Variants in COP1 observed in about 807,000 individuals in gnomAD.
COP1 encodes the protein E3 ubiquitin-protein ligase COP1.
Under a neutral mutation model 101.3 loss-of-function variants are expected in COP1, and 24 were observed. That is an observed-to-expected ratio of 0.24 (90% confidence interval 0.17 to 0.33). The LOEUF is 0.33. COP1 is among the 10% of genes least tolerant of loss of function. The probability of loss-of-function intolerance (pLI) is 1.00; values close to 1 mark genes in which losing one functional copy is unlikely to be tolerated. For synonymous variants in COP1, 347 were observed against 341.9 expected (o/e 1.01, Z -0.17); for missense variants, 663 against 906.2 (o/e 0.73, Z 3.45).
intron 1 of COP1, among the ~76,000 whole-genome samples, chr1:176,198,136 G>A (rs1699896215): frequency 6.6e-6 from 1 of 152,012 alleles, no homozygotes; most frequent in Non-Finnish European, 1.5e-5. Flanking sequence ...ATAGAAATTG[G>A]CACGCTAATC....
chr1:176,030,665 A>G (rs1309935581), intron 14 of COP1, among the ~76,000 whole-genome samples: 1 of 152,210 alleles, frequency 6.6e-6, no homozygotes, highest in Non-Finnish European at 1.5e-5. Flanking sequence ...TAACTGTCTG[A>G]GCTACAAGGG....
intron 11 of COP1, among the ~76,000 whole-genome samples, chr1:176,047,346 C>G (rs1379325403): frequency 6.6e-6 from 1 of 152,122 alleles, no homozygotes; most frequent in Non-Finnish European, 1.5e-5. Context: ...TTATTATTAT[C>G]TACATTTTAC....
At chr1:176,030,815 C>T (rs1668535441) in intron 14 of COP1, among the ~76,000 whole-genome samples, 1 of 152,126 alleles carries the variant, frequency 6.6e-6, no homozygotes, top group Non-Finnish European at 1.5e-5. Flanking sequence ...GTCCTAACCC[C>T]AGGTACTTGT....
chr1:175,945,212 A>G, intron 19 of COP1, 42 bp from the exon 20 acceptor site: 1 of 1,395,530 alleles, frequency 7.2e-7, no homozygotes, highest in Non-Finnish European at 1.0e-6. Context: ...AAAATCATTT[A>G]AGATATAAAA....
rs12035500 is a variant in COP1 at position 176,080,895 on chromosome 1, T to A, written c.1277+257A>T. On this transcript the variant is annotated intron_variant, in intron 11 of 19. Transcript: ENST00000367669. ...GGAAGCACTTATGAGAAGAGCATAC[T>A]GTCATCAAAACTAGACAATGATAGT... Among the ~76,000 whole-genome samples, 507 of 152,264 alleles carry A rather than the reference T, an allele frequency of 3.3e-3. 13 individuals carry two copies. In the East Asian group the frequency reaches 0.044, roughly 13 times the overall value.
At chr1:176,082,799 C>G (rs1309661155) in intron 10 of COP1, among the ~76,000 whole-genome samples, 2 of 150,590 alleles carry the variant, frequency 1.3e-5, no homozygotes, top group Admixed American at 1.3e-4. Flanking sequence ...GAGCAAAACT[C>G]CATCTCAAAA....
chr1:176,046,201 C>A lies in COP1; in HGVS notation c.1401G>T (p.Met467Ile). Residue 467 changes from methionine (M) to isoleucine (I), a missense_variant, in exon 12 of 20, where the codon ATG (methionine) becomes ATT (isoleucine). Met to Ile is a conservative substitution (Grantham distance 10). This residue lies in a region of COP1 where 209 missense variants were observed against 383.3 expected (regional missense o/e 0.55). Transcript: ENST00000367669. ...AVDIHYPENEMTCNSKISCIS... is the reference protein window; with the variant it reads ...AVDIHYPENEITCNSKISCIS... ...AATACCTGATTTTCGAATTGCAGGT[C>A]ATTTCATTCTCAGGGTAATGAATAT... is the stretch of plus-strand genomic sequence containing the variant. 2 of 1,603,174 alleles carry A rather than the reference C, an allele frequency of 1.2e-6. No individual in the cohort carries two copies. Among genetic ancestry groups the A allele is most frequent in the South Asian group, 2.3e-5 (2 of 88,572 alleles).
rs142731377 is a variant in COP1 at position 176,199,578 on chromosome 1, G to A, written c.407+6994C>T. On this transcript the variant is annotated intron_variant, in intron 1 of 19. Coordinates refer to ENST00000367669, the MANE Select transcript of COP1 (RefSeq NM_022457.7). ...CAGTTCATGTTATATCCATATAATG[G>A]GATAATACTAAGCAATTAAAAGAAA... Among the ~76,000 whole-genome samples, 398 of 151,902 alleles carry A rather than the reference G, an allele frequency of 2.6e-3. 3 individuals are homozygous for A. Among genetic ancestry groups the A allele is most frequent in the African/African-American group, 9.2e-3 (380 of 41,392 alleles).
chr1:176,176,938 A>G (rs1177941145), intron 2 of COP1, among the ~76,000 whole-genome samples: 1 of 152,248 alleles, frequency 6.6e-6, no homozygotes, highest in African/African-American at 2.4e-5. Context: ...AGTTGCAGGA[A>G]AAACCTTAAG....
chr1:175,990,606 T>C (rs1207868600), intron 15 of COP1, among the ~76,000 whole-genome samples: 1 of 152,142 alleles, frequency 6.6e-6, no homozygotes, highest in Non-Finnish European at 1.5e-5. Context: ...AGTCAAAATA[T>C]CTGTTTTTCC....
chr1:176,037,022 G>C (rs1669677987), intron 14 of COP1, among the ~76,000 whole-genome samples: 1 of 152,084 alleles, frequency 6.6e-6, no homozygotes, highest in Admixed American at 6.6e-5. Context: ...AATCTACTAA[G>C]GAAATTAAAT....
At chr1:175,949,781 C>T (rs1186800329) in intron 18 of COP1, among the ~76,000 whole-genome samples, 1 of 152,116 alleles carries the variant, frequency 6.6e-6, no homozygotes, top group Non-Finnish European at 1.5e-5. Context: ...CTCCTTCTGC[C>T]ATTTTGGGTC....
chr1:176,098,410 G>GCAAA (rs1339390226), intron 9 of COP1, among the ~76,000 whole-genome samples: 26 of 152,132 alleles, frequency 1.7e-4, no homozygotes, highest in African/African-American at 2.4e-5. Flanking sequence ...AGGGTCTAAG[G>GCAAA]ATTGTTCTGA....
At chr1:176,189,394 T>C (rs1698853847) in intron 1 of COP1, among the ~76,000 whole-genome samples, 1 of 152,062 alleles carries the variant, frequency 6.6e-6, no homozygotes, top group African/African-American at 2.4e-5. Context: ...CTTTTTCCGT[T>C]GGGAATTCTT....
chr1:176,059,465 G>C (rs904611156), intron 11 of COP1, among the ~76,000 whole-genome samples: 1 of 151,650 alleles, frequency 6.6e-6, no homozygotes, highest in Non-Finnish European at 1.5e-5. Flanking sequence ...TTGTAGTTAG[G>C]GAGTTTGCAA....
chr1:175,997,076 G>T (rs1036156234), intron 15 of COP1, among the ~76,000 whole-genome samples: 14 of 152,056 alleles, frequency 9.2e-5, no homozygotes, highest in African/African-American at 3.1e-4. Flanking sequence ...ACAGAACACA[G>T]TCCTCAGAAA....
intron 11 of COP1, 96 bp from the exon 12 acceptor site, chr1:176,046,420 A>G (rs1671530257): frequency 2.7e-6 from 3 of 1,096,302 alleles, no homozygotes; most frequent in African/African-American, 1.6e-5. Context: ...TCTACTTTAA[A>G]TACCTTCAAA....
intron 8 of COP1, among the ~76,000 whole-genome samples, chr1:176,133,389 C>T (rs1220219676): frequency 6.6e-6 from 1 of 151,410 alleles, no homozygotes; most frequent in Non-Finnish European, 1.5e-5. Context: ...TATATTAGGT[C>T]TCTTTATGTG....
chr1:176,110,358 T>A (rs1309005032), intron 9 of COP1, among the ~76,000 whole-genome samples: 1 of 152,200 alleles, frequency 6.6e-6, no homozygotes, highest in Non-Finnish European at 1.5e-5. Flanking sequence ...TATTTTTATC[T>A]CCCTTGTTCA....
Sources: gnomAD v4.1 joint callset for allele counts (sites outside exome capture counted in the v4.1 genomes callset) on GRCh38, gnomAD v4.1.1 for gene constraint, gnomAD v4.1.1 regional missense constraint, MANE v1.5 for transcripts, NCBI Gene and HGNC (gene_info 2026-07-23, HGNC 2026-07-21) for gene names.